FAM135A: variants seen among roughly 807,000 people sequenced by gnomAD.
FAM135A encodes protein FAM135A.
A neutral mutation model predicts 146.8 loss-of-function variants in FAM135A; 79 were observed. The ratio of observed to expected loss-of-function variants is 0.54; its 90% CI spans 0.45 to 0.65. FAM135A has a LOEUF of 0.65. Among genes scored for constraint, FAM135A ranks in the 30% least tolerant of loss-of-function variants. The pLI is 0.00. For missense variants in FAM135A, 1,623 were observed against 1,758.2 expected, an observed-to-expected ratio of 0.92 and a Z score of 1.38; for synonymous variants, 562 against 603.6, an observed-to-expected ratio of 0.93 and a Z score of 1.01.
At chr6:70,486,108 G>A in intron 10 of FAM135A, 1 of 1,476,292 alleles carries the variant, frequency 6.8e-7, no homozygotes, top group Non-Finnish European at 9.3e-7. Context: ...GAAAATTCTA[G>A]TAAGTTTTGT....
In FAM135A at chr6:70,538,344, T is replaced by A. The variant is rs953818625; in HGVS notation, c.4171T>A (p.Cys1391Ser). Reference sequence around the variant, plus strand: ...ATCAGGTTCGCTTTTGCAGCTGACATGTCGAGATCACTCAGACCCTCGCCA... The same window carrying A: ...ATCAGGTTCGCTTTTGCAGCTGACAAGTCGAGATCACTCAGACCCTCGCCA... ...KKSGSLLQLT[C>S]RDHSDPRQTF... The change falls in exon 20 of 22, where the codon TGT becomes AGT. Residue 1391 changes from cysteine to serine, a missense_variant. This residue lies in a region of FAM135A where 138 missense variants were observed against 174.1 expected (regional missense o/e 0.79). Transcript: ENST00000418814. The A allele has an allele frequency of 2.6e-6, 4 of 1,533,752 alleles. No individual in the cohort carries two copies. The highest frequency in any genetic ancestry group is 3.5e-6 in the Non-Finnish European group (4 of 1,133,626).
chr6:70,555,998 A>G (rs563666600), intron 20 of FAM135A, among the ~76,000 whole-genome samples: 9 of 152,226 alleles, frequency 5.9e-5, no homozygotes, highest in Admixed American at 5.9e-4. Context: ...TCATTCCTGT[A>G]ATCCCAGCAT....
chr6:70,512,734 A>G (rs1791301238), intron 12 of FAM135A, among the ~76,000 whole-genome samples: 1 of 151,800 alleles, frequency 6.6e-6, no homozygotes, highest in Non-Finnish European at 1.5e-5. Flanking sequence ...ATATTTATTA[A>G]ATTCTCCTAG....
At chr6:70,544,350 C>G (rs1798465134) in intron 20 of FAM135A, among the ~76,000 whole-genome samples, 1 of 151,762 alleles carries the variant, frequency 6.6e-6, no homozygotes, top group South Asian at 2.1e-4. Flanking sequence ...ACCATCCTGA[C>G]CAACCCCATC....
At chr6:70,508,379 C>A (rs1323499655) in intron 12 of FAM135A, among the ~76,000 whole-genome samples, 1 of 152,148 alleles carries the variant, frequency 6.6e-6, no homozygotes, top group Non-Finnish European at 1.5e-5. Flanking sequence ...GCTTTCATTG[C>A]AGTTTATTTC....
rs555590923 is a variant in FAM135A at position 70,522,364 on chromosome 6, T to C, written c.1030-149T>C. 935 of 652,840 alleles carry C rather than the reference T, an allele frequency of 1.4e-3. 14 individuals carry two copies. The highest frequency in any genetic ancestry group is 1.7e-4 in the Non-Finnish European group (63 of 364,444). 40.4% of individuals were successfully genotyped at this position (652,840 alleles called of 1,614,324 possible). On this transcript the variant is annotated intron_variant, in intron 12 of 21. Transcript: ENST00000418814. ...TATTTCATGCAGTACAAAAATACATTGGCAACACTGAAGAGGGAGAAGGGA... is the reference window on the plus strand; with the variant it reads ...TATTTCATGCAGTACAAAAATACATCGGCAACACTGAAGAGGGAGAAGGGA...
chr6:70,535,261 G>C (rs967812791), intron 18 of FAM135A, among the ~76,000 whole-genome samples: 1 of 152,112 alleles, frequency 6.6e-6, no homozygotes, highest in African/African-American at 2.4e-5. Flanking sequence ...CAGCTCTCAA[G>C]CTCTCTTTCA....
rs1207417575 is a variant in FAM135A, at chr6:70,560,497, C to G, written c.*576C>G. On this transcript the variant is annotated 3_prime_UTR_variant, in exon 22 of 22. Transcript: ENST00000418814. The stretch of plus-strand genomic sequence containing the variant: ...GTGTAATACAAGTTTTCTATAAAGT[C>G]ATTACTGTTGCTTAAACATATTTCA... The G allele has an allele frequency of 6.6e-6, 1 of 152,486 alleles. No individual in the cohort carries two copies. The highest frequency in any genetic ancestry group is 1.5e-5 in the Non-Finnish European group (1 of 67,970). 9.4% of individuals were successfully genotyped at this position (152,486 alleles called of 1,614,324 possible).
intron 20 of FAM135A, among the ~76,000 whole-genome samples, chr6:70,552,129 C>G (rs1187797968): frequency 6.6e-6 from 1 of 152,060 alleles, no homozygotes; most frequent in Non-Finnish European, 1.5e-5. Flanking sequence ...AAAGTTAAAC[C>G]TTTTAAGTGT....
At chr6:70,462,771 G>A (rs1458614984) in intron 5 of FAM135A, among the ~76,000 whole-genome samples, 1 of 152,102 alleles carries the variant, frequency 6.6e-6, no homozygotes, top group African/African-American at 2.4e-5. Flanking sequence ...GTAGGTGATA[G>A]CAGTTTCAAA....
intron 13 of FAM135A, among the ~76,000 whole-genome samples, chr6:70,523,416 A>G (rs752902025): frequency 2.0e-5 from 3 of 152,302 alleles, no homozygotes; most frequent in African/African-American, 4.8e-5. Flanking sequence ...AGGTATGTAT[A>G]TGGGGTATTT....
At chr6:70,524,216 T>A (rs1794217225) in intron 14 of FAM135A, 95 bp downstream of exon 14, 3 of 1,398,444 alleles carry the variant, frequency 2.1e-6, no homozygotes, top group East Asian at 4.9e-5. Flanking sequence ...TGTGGAATAG[T>A]TTTTTTCCCT....
At chr6:70,549,158 A>G (rs565039696) in intron 20 of FAM135A, among the ~76,000 whole-genome samples, 2 of 152,088 alleles carry the variant, frequency 1.3e-5, no homozygotes, top group Non-Finnish European at 2.9e-5. Context: ...TTCCTACAGA[A>G]ATCTCACACA....
In FAM135A at chr6:70,502,686, G is replaced by A. The variant is rs73746042; in HGVS notation, c.924G>A (p.Ala308=). The stretch of plus-strand genomic sequence containing the variant: ...CAGAACTTATAAATATGAATCTTGC[G>A]CAACTTTGCTCACTTTTGATGGCTT... The part of the protein sequence containing the change: ...ELAELINMNL[A]QLCSLLMALW... The change falls in exon 12 of 22, where the codon GCG becomes GCA. Residue 308 remains alanine, a synonymous_variant. Coordinates refer to ENST00000418814, the MANE Select transcript of FAM135A (RefSeq NM_001162529.3). 348 of 1,612,864 alleles carry A rather than the reference G, an allele frequency of 2.2e-4. No individual in the cohort carries two copies. In the African/African-American group the frequency reaches 3.5e-3, roughly 16 times the overall value.
At chr6:70,481,558 A>G (rs2128181690) in intron 9 of FAM135A, among the ~76,000 whole-genome samples, 1 of 152,148 alleles carries the variant, frequency 6.6e-6, no homozygotes, top group East Asian at 1.9e-4. Flanking sequence ...GCTTGAGCAC[A>G]GAAGGTTGAG....
chr6:70,417,463 T>C, intron 2 of FAM135A: 1 of 311,312 alleles, frequency 3.2e-6, no homozygotes, highest in Non-Finnish European at 4.7e-6. Flanking sequence ...TTCTCCCGCC[T>C]CAGCCACCCA....
chr6:70,498,086 T>C lies in FAM135A; in HGVS notation c.874-4550T>C, dbSNP rs549423712. ...CTTTGTACCTCTAGTAGAATTCGGCTGTGAATCTGTCTGGTCCTGGGCTTT... is the reference window on the plus strand; with the variant it reads ...CTTTGTACCTCTAGTAGAATTCGGCCGTGAATCTGTCTGGTCCTGGGCTTT... On this transcript the variant is annotated intron_variant, in intron 11 of 21. Transcript: ENST00000418814. 1.9e-4 allele frequency among the ~76,000 whole-genome samples: 29 copies of C among 152,334 alleles called. 1 individual carries two copies. In the South Asian group the frequency reaches 4.3e-3, roughly 23 times the overall value.
chr6:70,491,712 T>G (rs1036872263), intron 11 of FAM135A, among the ~76,000 whole-genome samples: 8 of 152,038 alleles, frequency 5.3e-5, no homozygotes, highest in African/African-American at 1.7e-4. Flanking sequence ...AAATTATACA[T>G]ACGCAGGATA....
Position 70,464,658 on chromosome 6 carries a change from C to CTTTTTTTTTTTTTTT in FAM135A, c.158-10744_158-10743insTTTTTTTTTTTTTTT, listed in dbSNP as rs754818109. 5.3e-4 allele frequency among the ~76,000 whole-genome samples: 53 copies of CTTTTTTTTTTTTTTT among 100,410 alleles called. 1 individual carries two copies. The highest frequency in any genetic ancestry group is 1.6e-3 in the African/African-American group (44 of 26,674). 65.9% of individuals were successfully genotyped at this position (100,410 alleles called of 152,430 possible). ...TTTAAATTTCTTTCTTTCTTTCTTT[C>CTTTTTTTTTTTTTTT]TTTTTTTTCTTTTTTTTTTTTTTTT... On this transcript the variant is annotated intron_variant, in intron 5 of 21. Coordinates refer to ENST00000418814, the MANE Select transcript of FAM135A (RefSeq NM_001162529.3).
Sources: gnomAD v4.1 joint callset for allele counts (sites outside exome capture counted in the v4.1 genomes callset) on GRCh38, gnomAD v4.1.1 for gene constraint, gnomAD v4.1.1 regional missense constraint, MANE v1.5 for transcripts, NCBI Gene and HGNC (gene_info 2026-07-23, HGNC 2026-07-21) for gene names.